The following KCNQ2 variants were observed in gnomAD, a reference collection of about 807,000 sequenced individuals.
KCNQ2 encodes the protein potassium voltage-gated channel subfamily Q member 2.
A neutral mutation model predicts 84.8 loss-of-function variants in KCNQ2; 14 were observed. The ratio of observed to expected loss-of-function variants is 0.17; its 90% CI spans 0.11 to 0.26. The LOEUF is 0.26. KCNQ2 is among the 10% of genes least tolerant of loss of function. The probability of loss-of-function intolerance (pLI) is 1.00; values close to 1 mark genes in which losing one functional copy is unlikely to be tolerated. For missense variants in KCNQ2, 788 were observed against 1,254.0 expected (o/e 0.63, Z 5.61); for synonymous variants, 599 against 554.1 (o/e 1.08, Z -1.14).
Position 63,408,468 on chromosome 20 carries a change from G to A in KCNQ2, c.1832C>T (p.Ala611Val), listed in dbSNP as rs199644682. Reference protein sequence around the residue: ...DKDRTKGPAEAELPEDPSMMG... With the variant: ...DKDRTKGPAEVELPEDPSMMG... ...CATGCTGGGGTCCTCGGGCAGCTCC[G>A]CCTCGGCCGGGCCCTTGGTGCGGTC... Residue 611 changes from alanine (A) to valine (V), a missense_variant, in exon 16 of 17, where the codon GCG becomes GTG. Ala to Val is a moderately conservative substitution (Grantham distance 64). Transcript: ENST00000359125. This position sits in a 1 kb window ranked among gnomAD's most constrained non-coding sequence, Gnocchi z 5.0. The A allele has an allele frequency of 9.1e-5, 147 of 1,607,396 alleles. No individual in the cohort carries two copies. The highest frequency in any genetic ancestry group is 1.6e-4 in the Middle Eastern group (1 of 6,076).
At chr20:63,423,911 T>C (rs2080549669) in intron 11 of KCNQ2, 3 of 463,452 alleles carry the variant, frequency 6.5e-6, no homozygotes, top group Non-Finnish European at 7.9e-6. Context: ...GGGTGGGGGA[T>C]CCCCCACCCC....
At chr20:63,420,135 G>A (rs1013309262) in intron 11 of KCNQ2, among the ~76,000 whole-genome samples, 1 of 152,198 alleles carries the variant, frequency 6.6e-6, no homozygotes, top group African/African-American at 2.4e-5. Flanking sequence ...GTTTGGCCAT[G>A]CCAGCCAGTC....
chr20:63,443,473 C>G, intron 4 of KCNQ2, among the ~76,000 whole-genome samples: 1 of 123,574 alleles, frequency 8.1e-6, no homozygotes, highest in Non-Finnish European at 1.7e-5. Context: ...CCATCACCAC[C>G]ATCATCACCA....
chr20:63,444,931 G>C (rs1038484717), intron 3 of KCNQ2, 97 bp from the exon 4 acceptor site: 15 of 1,340,112 alleles, frequency 1.1e-5, no homozygotes, highest in Non-Finnish European at 1.4e-5. Flanking sequence ...ATGTGCAGAG[G>C]GGCGGGAAGG....
chr20:63,409,695 G>A (rs2080055121), intron 15 of KCNQ2, among the ~76,000 whole-genome samples: 1 of 152,212 alleles, frequency 6.6e-6, no homozygotes, highest in Non-Finnish European at 1.5e-5. Context: ...CCAGCCGACG[G>A]GGCCAAGTCC....
intron 1 of KCNQ2, among the ~76,000 whole-genome samples, chr20:63,458,816 ACT>A (rs1387474302): frequency 6.6e-6 from 1 of 152,186 alleles, no homozygotes; most frequent in Non-Finnish European, 1.5e-5. Flanking sequence ...TGGGGCCCAC[ACT>A]CAGGCGTCAC....
At chr20:63,427,321 C>G (rs188614464) in intron 10 of KCNQ2, among the ~76,000 whole-genome samples, 1 of 152,276 alleles carries the variant, frequency 6.6e-6, no homozygotes, top group Non-Finnish European at 1.5e-5. Context: ...GAGTCCTCCA[C>G]GCATGAACCT....
chr20:63,442,737 C>CCACCATCACCACCAT (rs1568934155), intron 4 of KCNQ2, among the ~76,000 whole-genome samples: 1 of 24,166 alleles, frequency 4.1e-5, no homozygotes, highest in South Asian at 1.8e-3. Flanking sequence ...ATCACCACCT[C>CCACCATCACCACCAT]CACCATCACC....
At chr20:63,421,334 C>T (rs1036971910) in intron 11 of KCNQ2, among the ~76,000 whole-genome samples, 2 of 152,248 alleles carry the variant, frequency 1.3e-5, no homozygotes, top group Admixed American at 6.5e-5. Flanking sequence ...GTTATTTTAA[C>T]AGCCACATGT....
At chr20:63,435,149 G>A (rs1386487411) in intron 7 of KCNQ2, among the ~76,000 whole-genome samples, 2 of 152,226 alleles carry the variant, frequency 1.3e-5, no homozygotes, top group African/African-American at 4.8e-5. Flanking sequence ...CAACACCTTG[G>A]AGGCTGAAGC....
chr20:63,408,039 C>A lies in KCNQ2; in HGVS notation c.1887+374G>T. On this transcript the variant is annotated intron_variant, in intron 16 of 16. Transcript: ENST00000359125. The surrounding 1 kb of genome is among the most constrained non-coding windows in gnomAD (Gnocchi z 5.0). Reference sequence around the variant, plus strand: ...TCCTCTGCGGTGGTTCCTGAGAATGCACCCCCAGAAGACAGCGGCCAGGGT... The same window carrying A: ...TCCTCTGCGGTGGTTCCTGAGAATGAACCCCCAGAAGACAGCGGCCAGGGT... The A allele has an allele frequency of 3.3e-6, 1 of 303,548 alleles. No homozygotes were observed. 18.8% of individuals were successfully genotyped at this position (303,548 alleles called of 1,614,324 possible). A position where few individuals can be genotyped will look rare whatever the true frequency, so the allele number is the denominator to read the frequency against.
chr20:63,436,998 C>T (rs543204121), intron 7 of KCNQ2, among the ~76,000 whole-genome samples: 2 of 152,240 alleles, frequency 1.3e-5, no homozygotes, highest in East Asian at 1.9e-4. Flanking sequence ...AAGCTGGTCT[C>T]GAACTCCTGA....
chr20:63,470,928 C>T (rs1172228722), intron 1 of KCNQ2: 1 of 152,242 alleles, frequency 6.6e-6, no homozygotes, highest in African/African-American at 2.4e-5. Context: ...TGGGGAGTCC[C>T]AGGCTGGGTG....
intron 1 of KCNQ2, among the ~76,000 whole-genome samples, chr20:63,453,195 C>A (rs1271218147): frequency 1.3e-5 from 2 of 152,230 alleles, no homozygotes; most frequent in African/African-American, 4.8e-5. Context: ...CCTCCGCCCG[C>A]CGCCACAGGC....
intron 3 of KCNQ2, 79 bp downstream of exon 3, chr20:63,445,159 C>T: frequency 3.8e-6 from 6 of 1,598,066 alleles, no homozygotes; most frequent in South Asian, 1.1e-5. Flanking sequence ...CACGCAGACG[C>T]CCCAGCTCCC....
intron 11 of KCNQ2, 61 bp downstream of exon 11, chr20:63,424,116 G>A (rs1408043225): frequency 1.8e-5 from 28 of 1,534,266 alleles, no homozygotes; most frequent in Non-Finnish European, 2.5e-5. Flanking sequence ...CACACGTGTG[G>A]GAGAGAGACC....
chr20:63,407,818 C>T lies in KCNQ2; in HGVS notation c.1888-443G>A, dbSNP rs1177687321. Among the ~76,000 whole-genome samples the T allele has an allele frequency of 6.6e-6, 1 of 152,060 alleles. No homozygotes were observed. Among genetic ancestry groups the T allele is most frequent in the Non-Finnish European group, 1.5e-5 (1 of 67,994 alleles). On this transcript the variant is annotated intron_variant, in intron 16 of 16. Coordinates refer to ENST00000359125, the MANE Select transcript of KCNQ2 (RefSeq NM_172107.4). The surrounding 1 kb of genome is among the most constrained non-coding windows in gnomAD (Gnocchi z 7.2). ...AGCTGGAGGAGCGGGAAGAGGAGGC[C>T]CAGGAGCAGCTCTTCCTCCTTCCCA... is the stretch of plus-strand genomic sequence containing the variant.
intron 12 of KCNQ2, among the ~76,000 whole-genome samples, chr20:63,415,992 G>C (rs547385591): frequency 6.6e-6 from 1 of 152,176 alleles, no homozygotes; most frequent in African/African-American, 2.4e-5. Flanking sequence ...CACCCACCCC[G>C]GGGGCCTGCC....
At chr20:63,423,947 C>G (rs1768691606) in intron 11 of KCNQ2, 1 of 571,122 alleles carries the variant, frequency 1.8e-6, no homozygotes, top group Non-Finnish European at 3.2e-6. Flanking sequence ...CTGCCCGGAT[C>G]CACAGTGCTG....
Sources: gnomAD v4.1 joint callset for allele counts (sites outside exome capture counted in the v4.1 genomes callset) on GRCh38, gnomAD v4.1.1 for gene constraint, Gnocchi (gnomAD v3.1) non-coding constraint, MANE v1.5 for transcripts, NCBI Gene and HGNC (gene_info 2026-07-23, HGNC 2026-07-21) for gene names.